Variants in DGKB observed in about 807,000 individuals in gnomAD.
The protein encoded by DGKB is diacylglycerol kinase beta.
In DGKB, 67 loss-of-function variants were observed where a neutral mutation model predicts 114.3. The observed-to-expected ratio is 0.59, with a 90% CI of 0.48 to 0.72. The LOEUF (loss-of-function observed/expected upper bound fraction) is 0.72, where lower values mean the gene tolerates loss of function less well. DGKB is among the 30% of genes least tolerant of loss of function. The pLI, the probability that DGKB is intolerant of heterozygous loss-of-function variation, is 0.00. For missense variants in DGKB, 907 were observed against 975.2 expected (o/e 0.93, Z 0.93); for synonymous variants, 398 against 323.1 (o/e 1.23, Z -2.49).
At chr7:14,624,400 A>C (rs1299444079) in intron 14 of DGKB, among the ~76,000 whole-genome samples, 6 of 152,238 alleles carry the variant, frequency 3.9e-5, no homozygotes, top group Admixed American at 3.9e-4. Context: ...TTACACTTGA[A>C]GAATTAAATA....
At chr7:14,335,047 C>T (rs1467269146) in intron 23 of DGKB, among the ~76,000 whole-genome samples, 2 of 152,188 alleles carry the variant, frequency 1.3e-5, no homozygotes, top group African/African-American at 2.4e-5. Context: ...AATGTAATTA[C>T]ATGAATTACT....
chr7:14,177,286 A>G (rs1781902847), intron 24 of DGKB, among the ~76,000 whole-genome samples: 1 of 152,102 alleles, frequency 6.6e-6, no homozygotes, highest in South Asian at 2.1e-4. Context: ...TTCCAGATAA[A>G]TAACATCAAT....
At position 14,418,003 on chromosome 7, in the gene DGKB, C is replaced by T. The variant is rs188233076; in HGVS notation, c.1835+60158G>A. On this transcript the variant is annotated intron_variant, in intron 21 of 25. Coordinates refer to ENST00000402815, the MANE Select transcript of DGKB (RefSeq NM_001350709.2). ...AAACTTGAGTTTGCTGATGCCTGGT[C>T]ATCATTTGCTTATTAATAAATGCAG... Among the ~76,000 whole-genome samples, 4 of 151,196 alleles carry T rather than the reference C, an allele frequency of 2.6e-5. No homozygotes were observed. The Admixed American group carries it at 2.7e-4, about 10-fold the overall frequency.
At chr7:14,603,322 T>C (rs974290117) in intron 17 of DGKB, among the ~76,000 whole-genome samples, 34 of 152,138 alleles carry the variant, frequency 2.2e-4, no homozygotes, top group African/African-American at 8.2e-4. Context: ...GTAAAGAAAA[T>C]TTTTTATTTT....
chr7:14,220,048 T>C (rs372794172), intron 23 of DGKB, among the ~76,000 whole-genome samples: 3 of 151,790 alleles, frequency 2.0e-5, no homozygotes, highest in African/African-American at 7.2e-5. Context: ...TACACAAATA[T>C]AGATGATATA....
intron 1 of DGKB, among the ~76,000 whole-genome samples, chr7:14,927,089 T>A (rs1784787421): frequency 1.3e-5 from 2 of 152,042 alleles, no homozygotes; most frequent in Non-Finnish European, 2.9e-5. Context: ...ACACCAAGCA[T>A]CAACTTTCAA....
At chr7:14,443,257 T>C (rs921723985) in intron 21 of DGKB, among the ~76,000 whole-genome samples, 1 of 152,148 alleles carries the variant, frequency 6.6e-6, no homozygotes, top group Non-Finnish European at 1.5e-5. Context: ...TCCCATCACT[T>C]CTCTCCAAAG....
intron 15 of DGKB, among the ~76,000 whole-genome samples, chr7:14,616,063 A>G (rs899478649): frequency 6.6e-6 from 1 of 150,876 alleles, no homozygotes; most frequent in Non-Finnish European, 1.5e-5. Context: ...AATTTACAGA[A>G]AAGTTGCAAT....
In DGKB at chr7:14,554,065, G is replaced by T. The variant is rs553183146; in HGVS notation, c.1770+20147C>A. Among the ~76,000 whole-genome samples, 10 of 151,708 alleles carry T rather than the reference G, an allele frequency of 6.6e-5. No individual in the cohort carries two copies. In the South Asian group the frequency reaches 2.1e-3, roughly 32 times the overall value. On this transcript the variant is annotated intron_variant, in intron 20 of 25. Coordinates refer to ENST00000402815, the MANE Select transcript of DGKB (RefSeq NM_001350709.2). ...TTTTTGTATTTTTTAGTAGAGACGG[G>T]GTTTCACTGTGTTAGCCAGGATGAT...
chr7:14,216,662 G>T (rs917065954), intron 23 of DGKB, among the ~76,000 whole-genome samples: 2 of 145,490 alleles, frequency 1.4e-5, no homozygotes, highest in African/African-American at 2.5e-5. Context: ...GGAGGTGGAG[G>T]TTGCAGTGAA....
chr7:14,198,775 G>A (rs1290389674), intron 23 of DGKB, among the ~76,000 whole-genome samples: 1 of 151,962 alleles, frequency 6.6e-6, no homozygotes, highest in Non-Finnish European at 1.5e-5. Context: ...GGTCCCAGAG[G>A]TCTCTAAGGT....
intron 23 of DGKB, among the ~76,000 whole-genome samples, chr7:14,219,844 G>C (rs1287532362): frequency 6.6e-6 from 1 of 151,614 alleles, no homozygotes; most frequent in Non-Finnish European, 1.5e-5. Context: ...AGAATCCATT[G>C]CTGAATCAAG....
At chr7:14,676,601 A>T (rs1389578338) in intron 12 of DGKB, among the ~76,000 whole-genome samples, 1 of 152,114 alleles carries the variant, frequency 6.6e-6, no homozygotes, top group Non-Finnish European at 1.5e-5. Flanking sequence ...ATAAGTGAAT[A>T]TCATCAACAA....
intron 2 of DGKB, among the ~76,000 whole-genome samples, chr7:14,789,088 A>G (rs528116415): frequency 6.6e-6 from 1 of 151,896 alleles, no homozygotes; most frequent in African/African-American, 2.4e-5. Context: ...TTTTTTTTTT[A>G]ATTAAATGTT....
rs999337836 is a variant in DGKB at position 14,415,858 on chromosome 7, A to G, written c.1835+62303T>C. ...GAGGAATCGCCACACTGACTTCCAC[A>G]ATGGTTGAACTAGTTTACAGTCCCA... is the stretch of plus-strand genomic sequence containing the variant. On this transcript the variant is annotated intron_variant, in intron 21 of 25. Transcript: ENST00000402815. 5.9e-5 allele frequency among the ~76,000 whole-genome samples: 9 copies of G among 152,234 alleles called. 2 individuals are homozygous for G.
intron 23 of DGKB, chr7:14,209,298 A>G (rs1787358697): frequency 3.7e-6 from 1 of 271,212 alleles, no homozygotes; most frequent in Non-Finnish European, 7.3e-6. Flanking sequence ...CCCCTAAACC[A>G]AAATTAAGTA....
intron 21 of DGKB, among the ~76,000 whole-genome samples, chr7:14,397,866 G>T (rs1156784565): frequency 6.6e-6 from 1 of 151,944 alleles, no homozygotes; most frequent in African/African-American, 2.4e-5. Flanking sequence ...TAAATTAATT[G>T]TTCCCGGGTG....
rs937317455 is a variant in DGKB, at chr7:14,585,961, C to T, written c.1434-2824G>A. On this transcript the variant is annotated intron_variant, in intron 17 of 25. Coordinates refer to ENST00000402815, the MANE Select transcript of DGKB (RefSeq NM_001350709.2). ...GCGGTTCTCCTGTCTCTCTTTGTGT[C>T]CTCAGGCCTCTTAATTCCCTTAGAC... Among the ~76,000 whole-genome samples, 9 of 152,162 alleles carry T rather than the reference C, an allele frequency of 5.9e-5. No homozygotes were observed. The East Asian group carries it at 1.7e-3, about 29-fold the overall frequency.
chr7:14,758,964 A>G (rs7805593), intron 2 of DGKB, among the ~76,000 whole-genome samples: 151,797 of 152,246 alleles, frequency 1, 75,674 homozygotes, highest in Middle Eastern at 1. Flanking sequence ...CGCTCTTGTT[A>G]CCCAGGCTGG....
Sources: gnomAD v4.1 joint callset for allele counts (sites outside exome capture counted in the v4.1 genomes callset) on GRCh38, gnomAD v4.1.1 for gene constraint, MANE v1.5 for transcripts, NCBI Gene and HGNC (gene_info 2026-07-23, HGNC 2026-07-21) for gene names.